Variants in ABTB2 observed in about 807,000 individuals in gnomAD.
The protein encoded by ABTB2 is ankyrin repeat and BTB domain containing 2, also known as ankyrin repeat and BTB/POZ domain-containing protein 2.
In ABTB2, 56 loss-of-function variants were observed where a neutral mutation model predicts 104.1. The observed-to-expected ratio is 0.54, with a 90% CI of 0.43 to 0.67. The LOEUF is 0.67. Among genes scored for constraint, ABTB2 ranks in the 30% least tolerant of loss-of-function variants. ABTB2 has a pLI of 0.00. For synonymous variants in ABTB2, 606 were observed against 608.2 expected (o/e 1.00, Z 0.05); for missense variants, 1,279 against 1,407.7 (o/e 0.91, Z 1.46).
chr11:34,332,387 T>C (rs1338826027), intron 1 of ABTB2, among the ~76,000 whole-genome samples: 2 of 152,198 alleles, frequency 1.3e-5, no homozygotes, highest in East Asian at 1.9e-4. Context: ...TCATTCAGAC[T>C]AAGGTCAAAT....
At chr11:34,341,261 A>C (rs1855259008) in intron 1 of ABTB2, among the ~76,000 whole-genome samples, 1 of 152,230 alleles carries the variant, frequency 6.6e-6, no homozygotes, top group South Asian at 2.1e-4. Flanking sequence ...GACTTGCCTG[A>C]GGCCACGCAG....
At chr11:34,160,417 T>A (rs1852694684) in intron 11 of ABTB2, 64 bp from the exon 12 acceptor site, 2 of 1,165,204 alleles carry the variant, frequency 1.7e-6, no homozygotes, top group Non-Finnish European at 2.6e-6. Flanking sequence ...CAGATGCAGA[T>A]ACGTCAGGCT....
intron 3 of ABTB2, among the ~76,000 whole-genome samples, chr11:34,193,829 G>A (rs994702800): frequency 1.3e-5 from 2 of 152,216 alleles, no homozygotes; most frequent in African/African-American, 4.8e-5. Context: ...TAGATGAAAG[G>A]AGGTTAGAGG....
At chr11:34,213,468 G>A (rs1364484298) in intron 1 of ABTB2, among the ~76,000 whole-genome samples, 1 of 152,126 alleles carries the variant, frequency 6.6e-6, no homozygotes, top group African/African-American at 2.4e-5. Context: ...GCAAGAGAGC[G>A]AGACGCCATC....
chr11:34,155,044 C>A (rs561264072), intron 14 of ABTB2, among the ~76,000 whole-genome samples: 25 of 152,340 alleles, frequency 1.6e-4, no homozygotes, highest in African/African-American at 6.0e-4. Context: ...ACGGTGAGCC[C>A]AGGAGGGAAG....
At chr11:34,153,666 A>C (rs1001779893) in intron 16 of ABTB2, among the ~76,000 whole-genome samples, 4 of 152,152 alleles carry the variant, frequency 2.6e-5, no homozygotes, top group Non-Finnish European at 5.9e-5. Flanking sequence ...CTTTTGAAAG[A>C]AGCTTGTGGA....
chr11:34,170,957 G>A lies in ABTB2; in HGVS notation c.1512C>T (p.Asn504=), dbSNP rs376685015. The change falls in exon 5 of 17, where the codon AAC becomes AAT. Residue 504 remains asparagine, a synonymous_variant. Coordinates refer to ENST00000435224, the MANE Select transcript of ABTB2 (RefSeq NM_145804.3). ...CCGGACCCAAGGCCTCGATGGCTTG[G>A]TTGATGAGGTCCGTCCTCCCACAGT... ...MLNCGRTDLI[N]QAIEALGPDG... The A allele has an allele frequency of 3.4e-5, 55 of 1,614,054 alleles. No individual in the cohort carries two copies. The highest frequency in any genetic ancestry group is 4.5e-5 in the Non-Finnish European group (53 of 1,180,048).
chr11:34,152,908 G>A (rs772897792), intron 16 of ABTB2, among the ~76,000 whole-genome samples: 1 of 152,210 alleles, frequency 6.6e-6, no homozygotes, highest in Non-Finnish European at 1.5e-5. Flanking sequence ...GGCCTGGCAT[G>A]TGACTGTGCA....
intron 1 of ABTB2, among the ~76,000 whole-genome samples, chr11:34,274,158 C>CAAAAAAAAAAAAAA (rs763755237): frequency 2.0e-5 from 1 of 50,746 alleles, no homozygotes; most frequent in African/African-American, 7.1e-5. Context: ...GACTCCGTCT[C>CAAAAAAAAAAAAAA]AAAAAAAAAA....
At position 34,357,783 on chromosome 11, in the gene ABTB2, T is replaced by C; in HGVS notation, c.-200A>G. 1 of 554,970 alleles carries C rather than the reference T, an allele frequency of 1.8e-6. No individual in the cohort carries two copies. The highest frequency in any genetic ancestry group is 3.2e-5 in the East Asian group (1 of 31,000). 34.4% of individuals were successfully genotyped at this position (554,970 alleles called of 1,614,324 possible). A position where few individuals can be genotyped will look rare whatever the true frequency, so the allele number is the denominator to read the frequency against. ...TCCGTGGCCAGCAGGAGCCCCACGCTCCCGGCGTCCCGACTCGCAGCTGCC... is the reference window on the plus strand; with the variant it reads ...TCCGTGGCCAGCAGGAGCCCCACGCCCCCGGCGTCCCGACTCGCAGCTGCC... On this transcript the variant is annotated 5_prime_UTR_variant, in exon 1 of 17. Coordinates refer to ENST00000435224, the MANE Select transcript of ABTB2 (RefSeq NM_145804.3).
Position 34,154,184 on chromosome 11 carries a change from C to T in ABTB2, c.2880+81G>A. 4 of 1,105,650 alleles carry T rather than the reference C, an allele frequency of 3.6e-6. No individual in the cohort carries two copies. The highest frequency in any genetic ancestry group is 5.4e-6 in the Non-Finnish European group (4 of 737,456). 68.5% of individuals were successfully genotyped at this position (1,105,650 alleles called of 1,614,324 possible). On this transcript the variant is annotated intron_variant, in intron 16 of 16. Transcript: ENST00000435224. This position sits in a 1 kb window ranked among gnomAD's most constrained non-coding sequence, Gnocchi z 4.9. Reference sequence around the variant, plus strand: ...GGTCACCTGCATCTCCTAGCTCATCCCCAGTGCAGCCACACGGCCGAGGCC... The same window carrying T: ...GGTCACCTGCATCTCCTAGCTCATCTCCAGTGCAGCCACACGGCCGAGGCC...
intron 1 of ABTB2, among the ~76,000 whole-genome samples, chr11:34,321,389 T>C (rs911646505): frequency 1.1e-4 from 17 of 152,130 alleles, no homozygotes; most frequent in Non-Finnish European, 2.4e-4. Flanking sequence ...ATAAAAACAG[T>C]GGTTTAAGCA....
intron 3 of ABTB2, among the ~76,000 whole-genome samples, chr11:34,176,554 A>G (rs957989100): frequency 6.6e-6 from 1 of 152,218 alleles, no homozygotes; most frequent in African/African-American, 2.4e-5. Context: ...AGGCAGGAAG[A>G]CAGGTTGAGC....
chr11:34,244,701 A>G (rs1036057768), intron 1 of ABTB2, among the ~76,000 whole-genome samples: 1 of 152,160 alleles, frequency 6.6e-6, no homozygotes, highest in Non-Finnish European at 1.5e-5. Flanking sequence ...TTAGGCCTCA[A>G]TGTCCTCATC....
chr11:34,278,709 C>T (rs991870567), intron 1 of ABTB2, among the ~76,000 whole-genome samples: 6 of 152,214 alleles, frequency 3.9e-5, no homozygotes, highest in Non-Finnish European at 7.3e-5. Flanking sequence ...AATAACACTG[C>T]TTACTTCTTT....
At chr11:34,329,192 T>C (rs1316003186) in intron 1 of ABTB2, among the ~76,000 whole-genome samples, 1 of 152,172 alleles carries the variant, frequency 6.6e-6, no homozygotes, top group Admixed American at 6.5e-5. Context: ...AACACTGAAG[T>C]CAGTGAATAT....
intron 1 of ABTB2, among the ~76,000 whole-genome samples, chr11:34,234,690 C>T (rs1853817732): frequency 6.6e-6 from 1 of 152,116 alleles, no homozygotes; most frequent in Non-Finnish European, 1.5e-5. Context: ...AGTGCCAAGC[C>T]CTGGGACAGT....
intron 1 of ABTB2, among the ~76,000 whole-genome samples, chr11:34,229,033 TGCTTAAATCTG>T (rs1853724860): frequency 1.4e-5 from 2 of 138,940 alleles, no homozygotes; most frequent in South Asian, 4.6e-4. Flanking sequence ...GCAGGAGAAT[TGCTTAAATCTG>T]GGGGTGCGGA....
intron 1 of ABTB2, among the ~76,000 whole-genome samples, chr11:34,317,197 G>A (rs1339785049): frequency 4.6e-5 from 7 of 152,182 alleles, no homozygotes. Flanking sequence ...TGTCACCTGT[G>A]CCATCTGTTT....
Sources: gnomAD v4.1 joint callset for allele counts (sites outside exome capture counted in the v4.1 genomes callset) on GRCh38, gnomAD v4.1.1 for gene constraint, Gnocchi (gnomAD v3.1) non-coding constraint, MANE v1.5 for transcripts, NCBI Gene and HGNC (gene_info 2026-07-23, HGNC 2026-07-21) for gene names.